HEPACAM2: variants seen among roughly 807,000 people sequenced by gnomAD.
HEPACAM2 encodes the protein mitotic kinetics regulator.
HEPACAM2 carries 49 observed loss-of-function variants against 49.6 expected under a neutral mutation model. The ratio of observed to expected loss-of-function variants is 0.99; its 90% CI spans 0.78 to 1.25. The LOEUF (loss-of-function observed/expected upper bound fraction) is 1.25. Among genes scored for constraint, HEPACAM2 ranks in the 50% most tolerant of loss-of-function variants. The pLI, the probability that HEPACAM2 is intolerant of heterozygous loss-of-function variation, is 0.00. For synonymous variants in HEPACAM2, 197 were observed against 202.9 expected (o/e 0.97, Z 0.25); for missense variants, 525 against 557.2 (o/e 0.94, Z 0.58).
chr7:93,229,765 A>G (rs956445725), upstream of HEPACAM2, among the ~76,000 whole-genome samples: 1 of 152,238 alleles, frequency 6.6e-6, no homozygotes, highest in African/African-American at 2.4e-5. Context: ...TCCTGAATAA[A>G]TCTTAAAAAT....
At chr7:93,228,589 A>G (rs1216519671), upstream of HEPACAM2, among the ~76,000 whole-genome samples, 1 of 152,208 alleles carries the variant, frequency 6.6e-6, no homozygotes, top group East Asian at 1.9e-4. Flanking sequence ...TAATTATAAG[A>G]ATTTTCCTAC....
upstream of HEPACAM2, among the ~76,000 whole-genome samples, chr7:93,230,870 G>A (rs747639267): frequency 6.6e-6 from 1 of 152,226 alleles, no homozygotes; most frequent in Non-Finnish European, 1.5e-5. Context: ...GATGATACAA[G>A]TATGCACAAG....
Position 93,195,610 on chromosome 7 carries a change from CTTAT to C in HEPACAM2, c.1275+214_1275+217del, listed in dbSNP as rs1793692052. On this transcript the variant is annotated intron_variant, in intron 8 of 9. Coordinates refer to ENST00000394468, the MANE Select transcript of HEPACAM2 (RefSeq NM_001039372.4). ...ACTATTTATGAATTAGCATAACTTC[CTTAT>C]TTGTGTTAGCTTTACTTATAAAGGC... 9.9e-5 allele frequency among the ~76,000 whole-genome samples: 15 copies of C among 152,250 alleles called. No homozygotes were observed. The South Asian group carries it at 3.1e-3, about 32-fold the overall frequency.
At position 93,197,722 on chromosome 7, in the gene HEPACAM2, T is replaced by A; in HGVS notation, c.1013-112A>T. 3 of 713,686 alleles carry A rather than the reference T, an allele frequency of 4.2e-6. 1 individual carries two copies. The highest frequency in any genetic ancestry group is 4.4e-5 in the South Asian group (2 of 45,284). 44.2% of individuals were successfully genotyped at this position (713,686 alleles called of 1,614,324 possible). ...CTATTGAAAAAAATATATAAACACG[T>A]ATATTAGAGACACACAGAGAGAGAG... On this transcript the variant is annotated intron_variant, in intron 4 of 9. Coordinates refer to ENST00000394468, the MANE Select transcript of HEPACAM2 (RefSeq NM_001039372.4).
intron 4 of HEPACAM2, among the ~76,000 whole-genome samples, chr7:93,204,322 TTCTCTATC>T (rs951300825): frequency 4.4e-5 from 6 of 135,628 alleles, no homozygotes; most frequent in Admixed American, 2.3e-4. Flanking sequence ...TCCATAAACA[TTCTCTATC>T]TATCTATCTA....
At chr7:93,195,722 A>G in intron 8 of HEPACAM2, 106 bp downstream of exon 8, 1 of 798,208 alleles carries the variant, frequency 1.3e-6, no homozygotes, top group South Asian at 1.5e-5. Flanking sequence ...AGTAATGGGT[A>G]ATGCAGCCAT....
chr7:93,202,842 T>A (rs968124391), intron 4 of HEPACAM2, among the ~76,000 whole-genome samples: 9 of 152,154 alleles, frequency 5.9e-5, no homozygotes, highest in Non-Finnish European at 7.4e-5. Context: ...AGTCAGGCAG[T>A]AGGCTTAATA....
upstream of HEPACAM2, among the ~76,000 whole-genome samples, chr7:93,226,708 TA>T (rs1011200046): frequency 6.6e-6 from 1 of 152,186 alleles, no homozygotes; most frequent in African/African-American, 2.4e-5. Context: ...ACTTAGTTAT[TA>T]AAAAATCACA....
chr7:93,191,211 C>T (rs1488299592), intron 9 of HEPACAM2, among the ~76,000 whole-genome samples: 3 of 151,562 alleles, frequency 2.0e-5, no homozygotes, highest in Non-Finnish European at 4.4e-5. Context: ...TGCTTTACAA[C>T]ATTTTTTTTT....
In HEPACAM2 at chr7:93,221,475, T is replaced by G. The variant is rs116675881; in HGVS notation, c.80-2024A>C. Among the ~76,000 whole-genome samples, 1,440 of 152,312 alleles carry G rather than the reference T, an allele frequency of 9.5e-3. 28 individuals are homozygous for G. Among genetic ancestry groups the G allele is most frequent in the African/African-American group, 0.033 (1,364 of 41,562 alleles). On this transcript the variant is annotated intron_variant, in intron 1 of 9. Transcript: ENST00000394468. ...ATTTCCTTGGAAAAACTCAAAGATG[T>G]AGGCCTGTTCCTATGAGGAATCCAG...
upstream of HEPACAM2, chr7:93,226,612 A>T: frequency 1.9e-6 from 1 of 526,084 alleles, no homozygotes. Context: ...AACACCTGTT[A>T]TGTGCTTAGC....
At chr7:93,230,185 A>T (rs1024405051), upstream of HEPACAM2, among the ~76,000 whole-genome samples, 13 of 151,864 alleles carry the variant, frequency 8.6e-5, no homozygotes, top group Admixed American at 5.9e-4. Flanking sequence ...CATATTAGAT[A>T]AAAAAAACTT....
At chr7:93,222,245 CA>C (rs1196174779) in intron 1 of HEPACAM2, among the ~76,000 whole-genome samples, 3 of 151,998 alleles carry the variant, frequency 2.0e-5, no homozygotes, top group African/African-American at 7.2e-5. Context: ...AAACAAAATG[CA>C]TTTATATGTC....
intron 7 of HEPACAM2, among the ~76,000 whole-genome samples, chr7:93,196,440 C>A (rs937325441): frequency 2.6e-5 from 4 of 152,054 alleles, no homozygotes; most frequent in African/African-American, 9.7e-5. Context: ...TAGGAGGAAC[C>A]AGATAGCCTC....
intron 8 of HEPACAM2, 59 bp from the exon 9 acceptor site, chr7:93,192,422 C>T: frequency 1.6e-6 from 2 of 1,279,418 alleles, no homozygotes; most frequent in South Asian, 2.4e-5. Context: ...AGTTTTTCCA[C>T]TATGTTGCAT....
chr7:93,210,478 C>A (rs1794151030), intron 3 of HEPACAM2, among the ~76,000 whole-genome samples: 2 of 151,834 alleles, frequency 1.3e-5, no homozygotes, highest in South Asian at 2.1e-4. Context: ...CTTTCTATAT[C>A]ATAATAGTTT....
chr7:93,201,440 T>G (rs1401774052), intron 4 of HEPACAM2, among the ~76,000 whole-genome samples: 3 of 152,120 alleles, frequency 2.0e-5, no homozygotes, highest in Non-Finnish European at 4.4e-5. Flanking sequence ...TTTATTTATC[T>G]TTTCTTCTCT....
chr7:93,191,135 G>A (rs1275431979), intron 9 of HEPACAM2, among the ~76,000 whole-genome samples: 1 of 151,800 alleles, frequency 6.6e-6, no homozygotes, highest in East Asian at 1.9e-4. Flanking sequence ...TCATTTTAGA[G>A]TTTTTATTCT....
intron 8 of HEPACAM2, among the ~76,000 whole-genome samples, chr7:93,193,381 T>C (rs996530066): frequency 6.6e-6 from 1 of 152,148 alleles, no homozygotes; most frequent in Non-Finnish European, 1.5e-5. Context: ...CTCTTGATAT[T>C]TGTTGTATGA....
Sources: gnomAD v4.1 joint callset for allele counts (sites outside exome capture counted in the v4.1 genomes callset) on GRCh38, gnomAD v4.1.1 for gene constraint, MANE v1.5 for transcripts, NCBI Gene and HGNC (gene_info 2026-07-23, HGNC 2026-07-21) for gene names.